XKR6: variants seen among roughly 807,000 people sequenced by gnomAD.
XKR6 encodes XK related 6.
Under a neutral mutation model 56.7 loss-of-function variants are expected in XKR6, and 22 were observed. The ratio of observed to expected loss-of-function variants is 0.39; its 90% CI spans 0.28 to 0.55. The LOEUF is 0.55. XKR6 is among the 20% of genes least tolerant of loss of function. The pLI, the probability that XKR6 is intolerant of heterozygous loss-of-function variation, is 0.66. For synonymous variants in XKR6, 524 were observed against 387.8 expected (o/e 1.35, Z -4.13); for missense variants, 852 against 889.0 (o/e 0.96, Z 0.53).
chr8:11,005,395 G>T (rs1000141281), intron 1 of XKR6, among the ~76,000 whole-genome samples: 3 of 151,894 alleles, frequency 2.0e-5, no homozygotes, highest in African/African-American at 7.3e-5. Flanking sequence ...TATCTCCAAT[G>T]GAAGGGCTGG....
At chr8:10,951,875 G>T (rs1055088174) in intron 1 of XKR6, among the ~76,000 whole-genome samples, 1 of 152,184 alleles carries the variant, frequency 6.6e-6, no homozygotes, top group Non-Finnish European at 1.5e-5. Flanking sequence ...CTGTTATGGG[G>T]ATGCCAGGTC....
intron 1 of XKR6, among the ~76,000 whole-genome samples, chr8:11,087,165 C>T (rs996341390): frequency 1.3e-5 from 2 of 152,206 alleles, no homozygotes; most frequent in African/African-American, 4.8e-5. Context: ...TTCCTCCTCT[C>T]CAATCCTGTA....
At chr8:11,103,414 C>A (rs1214679646) in intron 1 of XKR6, among the ~76,000 whole-genome samples, 6 of 152,178 alleles carry the variant, frequency 3.9e-5, no homozygotes, top group Non-Finnish European at 8.8e-5. Flanking sequence ...GGGAGACAGT[C>A]TGAGCTGTCC....
rs34746866 is a variant in XKR6, at chr8:11,114,773, G to GTGTGTGTGTGTA, written c.764+85802_764+85803insTACACACACACA. 4.4e-4 allele frequency among the ~76,000 whole-genome samples: 64 copies of GTGTGTGTGTGTA among 146,614 alleles called. No individual in the cohort carries two copies. In the South Asian group the frequency reaches 6.1e-3, roughly 14 times the overall value. On this transcript the variant is annotated intron_variant, in intron 1 of 2. Transcript: ENST00000416569. ...TGTGTGTGTGTGTGTGTGTGTGTGTGTATGTGCCAGGGCAAGAAAGGTCAG... is the reference window on the plus strand; with the variant it reads ...TGTGTGTGTGTGTGTGTGTGTGTGTGTGTGTGTGTGTATATGTGCCAGGGCAAGAAAGGTCAG...
intron 1 of XKR6, among the ~76,000 whole-genome samples, chr8:11,193,742 C>G (rs946937313): frequency 3.8e-5 from 5 of 133,108 alleles, no homozygotes; most frequent in East Asian, 2.8e-4. Flanking sequence ...GTTCTGACCC[C>G]CCCCCCCCCA....
intron 1 of XKR6, among the ~76,000 whole-genome samples, chr8:11,188,136 G>A (rs140697084): frequency 1.3e-3 from 199 of 152,142 alleles, no homozygotes; most frequent in African/African-American, 4.0e-3. Flanking sequence ...TCGCTAATTT[G>A]AGATAGTGAG....
intron 1 of XKR6, among the ~76,000 whole-genome samples, chr8:10,999,680 A>C (rs962282615): frequency 3.9e-5 from 6 of 152,240 alleles, no homozygotes; most frequent in African/African-American, 1.4e-4. Context: ...CAAGCTACCA[A>C]AATAAAAGTT....
rs1586355388 is a variant in XKR6 at position 10,958,219 on chromosome 8, G to T, written c.765-33389C>A. Among the ~76,000 whole-genome samples the T allele has an allele frequency of 2.0e-5, 3 of 152,326 alleles. No individual in the cohort carries two copies. In the South Asian group the frequency reaches 6.2e-4, roughly 32 times the overall value. The stretch of plus-strand genomic sequence containing the variant: ...TCCATGAGATGCAAGTTCCCGTTTG[G>T]ATGGCAACCAAGCCAAGTCATCTGC... On this transcript the variant is annotated intron_variant, in intron 1 of 2. Coordinates refer to ENST00000416569, the MANE Select transcript of XKR6 (RefSeq NM_173683.4).
chr8:11,064,285 C>G (rs1448518869), intron 1 of XKR6, among the ~76,000 whole-genome samples: 1 of 152,218 alleles, frequency 6.6e-6, no homozygotes, highest in Non-Finnish European at 1.5e-5. Flanking sequence ...CTAAAGCTTT[C>G]CTTTCCATTC....
intron 2 of XKR6, among the ~76,000 whole-genome samples, chr8:10,913,095 G>T (rs75338818): frequency 0.14 from 20,655 of 151,048 alleles, 1,635 homozygotes; most frequent in South Asian, 0.17. Flanking sequence ...TCTATATATA[G>T]AGAGAGAGTA....
At chr8:11,146,326 C>G (rs1020846207) in intron 1 of XKR6, among the ~76,000 whole-genome samples, 9 of 152,140 alleles carry the variant, frequency 5.9e-5, no homozygotes, top group African/African-American at 2.2e-4. Context: ...AAAAGCACAA[C>G]CTGTTAAAGA....
At chr8:11,182,686 C>A (rs987622616) in intron 1 of XKR6, among the ~76,000 whole-genome samples, 4 of 152,216 alleles carry the variant, frequency 2.6e-5, no homozygotes, top group Non-Finnish European at 5.9e-5. Context: ...GAAATAAAAA[C>A]ATCTAGAGTA....
At chr8:11,026,368 A>G (rs1401500906) in intron 1 of XKR6, among the ~76,000 whole-genome samples, 1 of 150,414 alleles carries the variant, frequency 6.6e-6, no homozygotes, top group African/African-American at 2.5e-5. Flanking sequence ...ACACACCTAA[A>G]TGGTCTGGCC....
intron 1 of XKR6, among the ~76,000 whole-genome samples, chr8:10,987,903 G>A (rs1244717873): frequency 1.3e-5 from 2 of 152,102 alleles, no homozygotes; most frequent in Non-Finnish European, 2.9e-5. Flanking sequence ...GCACCTGCAG[G>A]GCTCACTCTG....
chr8:11,114,088 T>C, intron 1 of XKR6: 1 of 444,220 alleles, frequency 2.3e-6, no homozygotes, highest in Admixed American at 2.6e-5. Context: ...GTCTTTCGCT[T>C]AGAGCTAAAA....
intron 1 of XKR6, among the ~76,000 whole-genome samples, chr8:11,182,898 G>A (rs1803070987): frequency 6.6e-6 from 1 of 152,124 alleles, no homozygotes; most frequent in Non-Finnish European, 1.5e-5. Context: ...GCCCCTGGCA[G>A]CCCCCTTTCT....
chr8:11,065,456 G>C (rs1196158472), intron 1 of XKR6, among the ~76,000 whole-genome samples: 1 of 152,166 alleles, frequency 6.6e-6, no homozygotes, highest in African/African-American at 2.4e-5. Flanking sequence ...CTTTATCCTT[G>C]GATGCAACGT....
Position 11,032,773 on chromosome 8 carries a change from C to T in XKR6, c.765-107943G>A, listed in dbSNP as rs114393896. 8.5e-3 allele frequency among the ~76,000 whole-genome samples: 1,290 copies of T among 152,268 alleles called. 21 individuals carry two copies. The highest frequency in any genetic ancestry group is 0.029 in the African/African-American group (1,217 of 41,548). On this transcript the variant is annotated intron_variant, in intron 1 of 2. Coordinates refer to ENST00000416569, the MANE Select transcript of XKR6 (RefSeq NM_173683.4). ...ACACCCCTCCAAGCCCTGCCTCCTGCCCTCTCAGGACCTACCTTACAAGGC... is the reference window on the plus strand; with the variant it reads ...ACACCCCTCCAAGCCCTGCCTCCTGTCCTCTCAGGACCTACCTTACAAGGC...
chr8:10,898,995 G>C lies in XKR6; in HGVS notation c.962-79C>G. The C allele has an allele frequency of 4.0e-6, 6 of 1,509,714 alleles. No individual in the cohort carries two copies. The highest frequency in any genetic ancestry group is 5.3e-6 in the Non-Finnish European group (6 of 1,137,202). The allele number at this position is 1,509,714 out of a possible 1,614,324, so 93.5% of individuals were successfully genotyped here. ...GCACAGTGAAGCTGCCGGCTGAGGAGACGCCCACATACACCACGATCTAAA... is the reference window on the plus strand; with the variant it reads ...GCACAGTGAAGCTGCCGGCTGAGGACACGCCCACATACACCACGATCTAAA... On this transcript the variant is annotated intron_variant, in intron 2 of 2. Transcript: ENST00000416569. The surrounding 1 kb of genome is among the most constrained non-coding windows in gnomAD (Gnocchi z 6.6).
Sources: allele counts gnomAD v4.1 joint callset (sites outside exome capture counted in the v4.1 genomes callset), GRCh38; gene constraint gnomAD v4.1.1; non-coding constraint Gnocchi (gnomAD v3.1); transcripts MANE v1.5; gene names NCBI Gene and HGNC (gene_info 2026-07-23, HGNC 2026-07-21).